The following UNC5D variants were observed in gnomAD, a reference collection of about 807,000 sequenced individuals.
UNC5D encodes unc-5 netrin receptor D.
A neutral mutation model predicts 105.4 loss-of-function variants in UNC5D; 39 were observed. That is an observed-to-expected ratio of 0.37 (90% CI 0.29 to 0.48). UNC5D has a LOEUF of 0.48. Ranked by LOEUF, UNC5D falls within the 20% of genes least tolerant of loss-of-function variation. UNC5D has a pLI of 0.98. For synonymous variants in UNC5D, 452 were observed against 450.4 expected (o/e 1.00, Z -0.04); for missense variants, 991 against 1,202.4 (o/e 0.82, Z 2.60).
chr8:35,753,552 A>G (rs1830384832), intron 13 of UNC5D, among the ~76,000 whole-genome samples: 1 of 152,182 alleles, frequency 6.6e-6, no homozygotes, highest in Non-Finnish European at 1.5e-5. Flanking sequence ...CATGCCCAGC[A>G]GAGAGGTATT....
chr8:35,463,056 T>C (rs1284223899), intron 1 of UNC5D, among the ~76,000 whole-genome samples: 1 of 152,254 alleles, frequency 6.6e-6, no homozygotes, highest in Non-Finnish European at 1.5e-5. Flanking sequence ...GTCTGTATTC[T>C]TGACAAGTGT....
chr8:35,545,115 CT>C (rs1190738872), intron 1 of UNC5D, among the ~76,000 whole-genome samples: 4 of 152,114 alleles, frequency 2.6e-5, no homozygotes, highest in Non-Finnish European at 5.9e-5. Flanking sequence ...TAAAACTTTT[CT>C]TTGAGTTGTA....
At chr8:35,674,717 G>A (rs931755709) in intron 4 of UNC5D, among the ~76,000 whole-genome samples, 3 of 152,248 alleles carry the variant, frequency 2.0e-5, no homozygotes, top group African/African-American at 7.2e-5. Flanking sequence ...TCGTGCTTCC[G>A]GGAATCCCAT....
chr8:35,570,740 G>C (rs1817660346), intron 3 of UNC5D, among the ~76,000 whole-genome samples: 1 of 151,834 alleles, frequency 6.6e-6, no homozygotes, highest in African/African-American at 2.4e-5. Context: ...GATCACCTGA[G>C]GTCAGGAGTT....
intron 1 of UNC5D, among the ~76,000 whole-genome samples, chr8:35,306,888 T>G (rs958214957): frequency 2.0e-5 from 3 of 152,190 alleles, no homozygotes; most frequent in African/African-American, 4.8e-5. Context: ...TCATGCTGTT[T>G]CATTGTTATT....
At chr8:35,542,415 C>A (rs564575769) in intron 1 of UNC5D, among the ~76,000 whole-genome samples, 21 of 152,168 alleles carry the variant, frequency 1.4e-4, no homozygotes, top group African/African-American at 5.1e-4. Flanking sequence ...TTGCCGTGGA[C>A]CAATACACTC....
intron 1 of UNC5D, among the ~76,000 whole-genome samples, chr8:35,441,613 G>C (rs1231330531): frequency 6.6e-6 from 1 of 151,750 alleles, no homozygotes; most frequent in Non-Finnish European, 1.5e-5. Flanking sequence ...AAGAAACTGA[G>C]TATGTTAGAC....
chr8:35,268,064 G>T (rs2128830203), intron 1 of UNC5D, among the ~76,000 whole-genome samples: 1 of 152,208 alleles, frequency 6.6e-6, no homozygotes, highest in East Asian at 1.9e-4. Flanking sequence ...ATTAATTTAT[G>T]ATTTTTTTGT....
At chr8:35,571,877 G>A (rs755992193) in intron 3 of UNC5D, among the ~76,000 whole-genome samples, 1 of 152,098 alleles carries the variant, frequency 6.6e-6, no homozygotes, top group Non-Finnish European at 1.5e-5. Context: ...CATCTTGAGG[G>A]GGCTTTGCAA....
Position 35,722,346 on chromosome 8 carries a change from T to C in UNC5D, c.1254T>C (p.Ser418=), listed in dbSNP as rs1563705174. Residue 418 remains serine (S), a synonymous_variant, in exon 9 of 17, where the codon TCT becomes TCC. Coordinates refer to ENST00000404895, the MANE Select transcript of UNC5D (RefSeq NM_080872.4). Reference sequence around the variant, plus strand: ...ATGGCGTGGACGTCATTGACTCTTCTGCATTGACAGGTGGCTTCCAGACCT... The same window carrying C: ...ATGGCGTGGACGTCATTGACTCTTCCGCATTGACAGGTGGCTTCCAGACCT... ...SDYGVDVIDS[S]ALTGGFQTFN... 1.2e-6 allele frequency: 2 copies of C among 1,614,150 alleles called. No individual in the cohort carries two copies.
intron 4 of UNC5D, among the ~76,000 whole-genome samples, chr8:35,669,286 G>A (rs1404634256): frequency 6.6e-6 from 1 of 151,796 alleles, no homozygotes; most frequent in Admixed American, 6.6e-5. Flanking sequence ...GATCTTTCTT[G>A]TTCTCTCTTT....
chr8:35,582,403 T>C (rs1379711720), intron 3 of UNC5D, among the ~76,000 whole-genome samples: 2 of 152,174 alleles, frequency 1.3e-5, no homozygotes, highest in African/African-American at 4.8e-5. Context: ...TAGATTTGGC[T>C]ACCCAAAAGG....
chr8:35,356,232 T>C (rs145266467), intron 1 of UNC5D, among the ~76,000 whole-genome samples: 58 of 152,292 alleles, frequency 3.8e-4, no homozygotes, highest in African/African-American at 1.3e-3. Flanking sequence ...ATGTGATTAG[T>C]GCTCCATATA....
intron 2 of UNC5D, among the ~76,000 whole-genome samples, chr8:35,558,434 A>G (rs1481727714): frequency 1.3e-5 from 2 of 152,218 alleles, no homozygotes; most frequent in African/African-American, 4.8e-5. Context: ...CCATGCAAAT[A>G]CTATATAACT....
At chr8:35,369,325 A>G (rs1263869591) in intron 1 of UNC5D, among the ~76,000 whole-genome samples, 1 of 152,194 alleles carries the variant, frequency 6.6e-6, no homozygotes, top group Non-Finnish European at 1.5e-5. Context: ...AATTTTATTG[A>G]CATTAACAGA....
chr8:35,684,075 CCA>C lies in UNC5D; in HGVS notation c.751+349_751+350del, dbSNP rs556477110. ...ACGCCTCTCAAACCCAACACTCACCCCAGTTTTTCCTAGACCTGCTGTCAGGT... is the reference window on the plus strand; with the variant it reads ...ACGCCTCTCAAACCCAACACTCACCCGTTTTTCCTAGACCTGCTGTCAGGT... On this transcript the variant is annotated intron_variant, in intron 5 of 16. Transcript: ENST00000404895. 1.7e-3 allele frequency among the ~76,000 whole-genome samples: 255 copies of C among 152,308 alleles called. 1 individual carries two copies. The highest frequency in any genetic ancestry group is 2.3e-3 in the Non-Finnish European group (159 of 68,026).
At chr8:35,687,971 A>C (rs1586437548) in intron 7 of UNC5D, among the ~76,000 whole-genome samples, 2 of 152,060 alleles carry the variant, frequency 1.3e-5, no homozygotes, top group East Asian at 3.9e-4. Context: ...TCTACTAAAA[A>C]TACAAAAAAA....
At chr8:35,715,388 A>G (rs1828200044) in intron 8 of UNC5D, among the ~76,000 whole-genome samples, 1 of 152,190 alleles carries the variant, frequency 6.6e-6, no homozygotes, top group Non-Finnish European at 1.5e-5. Flanking sequence ...GTTGGAAGAC[A>G]AGCTTGCTTT....
At chr8:35,259,884 T>C (rs1414725746) in intron 1 of UNC5D, among the ~76,000 whole-genome samples, 1 of 151,866 alleles carries the variant, frequency 6.6e-6, no homozygotes, top group East Asian at 1.9e-4. Flanking sequence ...ATTTGGAAAG[T>C]GAAACTGTTC....
Sources: allele counts gnomAD v4.1 joint callset (sites outside exome capture counted in the v4.1 genomes callset), GRCh38; gene constraint gnomAD v4.1.1; transcripts MANE v1.5; gene names NCBI Gene and HGNC (gene_info 2026-07-23, HGNC 2026-07-21).